The following CSMD1 variants were observed in gnomAD, a reference collection of about 807,000 sequenced individuals.
CSMD1 encodes CUB and sushi domain-containing protein 1.
Under a neutral mutation model 417.5 loss-of-function variants are expected in CSMD1, and 213 were observed. That is an observed-to-expected ratio of 0.51 (90% CI 0.46 to 0.57). The LOEUF is 0.57. CSMD1 is among the 20% of genes least tolerant of loss of function. The pLI is 0.00. For missense variants in CSMD1, 6,923 were observed against 4,529.7 expected (o/e 1.53, Z -15.17); for synonymous variants, 2,862 against 1,736.8 (o/e 1.65, Z -16.11).
chr8:4,005,038 T>G (rs1159908462), intron 4 of CSMD1, among the ~76,000 whole-genome samples: 1 of 152,160 alleles, frequency 6.6e-6, no homozygotes, highest in Non-Finnish European at 1.5e-5. Context: ...TACTGAGGAA[T>G]GGAAAACCAA....
intron 1 of CSMD1, among the ~76,000 whole-genome samples, chr8:4,966,628 T>C (rs539799986): frequency 3.3e-5 from 5 of 152,310 alleles, no homozygotes; most frequent in Non-Finnish European, 5.9e-5. Flanking sequence ...AGGTTCACCC[T>C]GTACAAACAC....
intron 3 of CSMD1, among the ~76,000 whole-genome samples, chr8:4,362,678 A>T (rs1801840769): frequency 1.3e-5 from 2 of 152,192 alleles, no homozygotes; most frequent in Non-Finnish European, 2.9e-5. Flanking sequence ...GAAATAAAAG[A>T]AATTATGGGA....
chr8:4,908,949 G>A (rs545234593), intron 1 of CSMD1, among the ~76,000 whole-genome samples: 37 of 152,206 alleles, frequency 2.4e-4, no homozygotes, highest in Admixed American at 8.5e-4. Context: ...TCTTCCGAAC[G>A]TGTTTTCCTT....
chr8:3,815,858 AG>A (rs1170028730), intron 5 of CSMD1, among the ~76,000 whole-genome samples: 1 of 152,206 alleles, frequency 6.6e-6, no homozygotes, highest in African/African-American at 2.4e-5. Context: ...GAGAAACTAG[AG>A]CCAGTGATGC....
At chr8:4,820,065 C>A (rs1182815505) in intron 1 of CSMD1, among the ~76,000 whole-genome samples, 6 of 152,182 alleles carry the variant, frequency 3.9e-5, no homozygotes, top group Non-Finnish European at 7.3e-5. Context: ...AGTCTATCCA[C>A]CTGCCTTGTA....
At chr8:4,676,018 T>G (rs1470826898) in intron 1 of CSMD1, among the ~76,000 whole-genome samples, 1 of 152,238 alleles carries the variant, frequency 6.6e-6, no homozygotes, top group Non-Finnish European at 1.5e-5. Context: ...GGCCTTGCAG[T>G]TTTTGAAGCA....
At chr8:4,211,443 T>C (rs186917333) in intron 3 of CSMD1, among the ~76,000 whole-genome samples, 5 of 152,352 alleles carry the variant, frequency 3.3e-5, no homozygotes, top group South Asian at 4.1e-4. Context: ...CATATAGCAG[T>C]TTACGCATGA....
At chr8:3,464,564 T>C (rs1039752372) in intron 12 of CSMD1, among the ~76,000 whole-genome samples, 1 of 150,222 alleles carries the variant, frequency 6.7e-6, no homozygotes, top group Non-Finnish European at 1.5e-5. Flanking sequence ...CTATCTATTA[T>C]AAATATGATT....
intron 1 of CSMD1, among the ~76,000 whole-genome samples, chr8:4,789,154 T>C (rs970182196): frequency 6.6e-6 from 1 of 152,322 alleles, no homozygotes; most frequent in Admixed American, 6.5e-5. Context: ...TGAAATACAA[T>C]GTTGTATGTT....
At chr8:3,972,900 T>A (rs2740813) in intron 5 of CSMD1, among the ~76,000 whole-genome samples, 86,614 of 151,630 alleles carry the variant, frequency 0.57, 25,205 homozygotes, top group East Asian at 0.8. Context: ...AATGTAAAAA[T>A]GGAAAACAAC....
At chr8:3,658,505 G>A (rs543399392) in intron 7 of CSMD1, among the ~76,000 whole-genome samples, 6 of 146,188 alleles carry the variant, frequency 4.1e-5, no homozygotes, top group South Asian at 4.3e-4. Flanking sequence ...TTCCTTGGTC[G>A]GGCTTGGTGT....
intron 43 of CSMD1, 143 bp from the exon 44 acceptor site, chr8:3,108,891 G>C (rs1042997398): frequency 1.2e-6 from 1 of 814,202 alleles, no homozygotes; most frequent in East Asian, 2.7e-5. Flanking sequence ...TAAACATCAA[G>C]ATGTTGAATG....
intron 5 of CSMD1, among the ~76,000 whole-genome samples, chr8:3,778,049 G>C (rs1370881556): frequency 6.6e-6 from 1 of 152,222 alleles, no homozygotes; most frequent in Non-Finnish European, 1.5e-5. Context: ...TGCTTAACAG[G>C]CTGTCCACGT....
chr8:3,538,290 T>G (rs972574375), intron 10 of CSMD1, among the ~76,000 whole-genome samples: 13 of 152,226 alleles, frequency 8.5e-5, no homozygotes, highest in Admixed American at 7.8e-4. Context: ...GCACCTGATA[T>G]GCTTCACCTG....
At chr8:4,612,248 CAT>C (rs1298117962) in intron 2 of CSMD1, among the ~76,000 whole-genome samples, 6 of 152,074 alleles carry the variant, frequency 3.9e-5, no homozygotes, top group African/African-American at 7.2e-5. Flanking sequence ...GTTTCCAGCA[CAT>C]GTGATAAAAA....
chr8:4,450,865 TA>T (rs1250474047), intron 2 of CSMD1, among the ~76,000 whole-genome samples: 3 of 152,130 alleles, frequency 2.0e-5, no homozygotes, highest in African/African-American at 7.2e-5. Flanking sequence ...GAACAATTGT[TA>T]ATATTCTTCC....
At chr8:4,846,546 G>C (rs920293875) in intron 1 of CSMD1, among the ~76,000 whole-genome samples, 1 of 152,204 alleles carries the variant, frequency 6.6e-6, no homozygotes, top group Non-Finnish European at 1.5e-5. Context: ...ACAGGCTCCT[G>C]TAAGATTCTG....
intron 20 of CSMD1, among the ~76,000 whole-genome samples, chr8:3,362,706 CT>C (rs1461938815): frequency 5.9e-5 from 9 of 152,174 alleles, no homozygotes; most frequent in Non-Finnish European, 1.2e-4. Flanking sequence ...CCCAAACCTG[CT>C]TTGCTTCCAG....
chr8:3,278,506 C>T (rs574768092), intron 26 of CSMD1: 86 of 152,242 alleles, frequency 5.6e-4, no homozygotes, highest in African/African-American at 1.9e-3. Context: ...AATGGCCACA[C>T]TTAAAACATC....
Sources: allele counts gnomAD v4.1 joint callset (sites outside exome capture counted in the v4.1 genomes callset), GRCh38; gene constraint gnomAD v4.1.1; transcripts MANE v1.5; gene names NCBI Gene and HGNC (gene_info 2026-07-23, HGNC 2026-07-21).